DDR2: variants seen among roughly 807,000 people sequenced by gnomAD.
DDR2 encodes the protein discoidin domain-containing receptor 2.
In DDR2, 27 loss-of-function variants were observed where a neutral mutation model predicts 94.9. The ratio of observed to expected loss-of-function variants is 0.28; its 90% CI spans 0.21 to 0.39. The LOEUF is 0.39. DDR2 is among the 10% of genes least tolerant of loss of function. DDR2 has a pLI of 1.00. For synonymous variants in DDR2, 382 were observed against 377.2 expected (o/e 1.01, Z -0.15); for missense variants, 783 against 1,076.0 (o/e 0.73, Z 3.81).
intron 2 of DDR2, among the ~76,000 whole-genome samples, chr1:162,691,103 A>G (rs1659943409): frequency 6.6e-6 from 1 of 152,226 alleles, no homozygotes; most frequent in Non-Finnish European, 1.5e-5. Context: ...AACAAAGGAC[A>G]TGCCTGGTGC....
intron 2 of DDR2, among the ~76,000 whole-genome samples, chr1:162,679,548 A>G (rs1336165116): frequency 1.3e-5 from 2 of 152,162 alleles, no homozygotes; most frequent in African/African-American, 4.8e-5. Context: ...TATTCAGTCT[A>G]CCATTAATGG....
Position 162,755,962 on chromosome 1 carries a change from A to C in DDR2, c.671+193A>C, listed in dbSNP as rs972686144. On this transcript the variant is annotated intron_variant, in intron 7 of 17. Coordinates refer to ENST00000367921, the MANE Select transcript of DDR2 (RefSeq NM_006182.4). ...CAGGGAACTTAAAGCCCGGTTTGGG[A>C]AGACAAGTTAATTACCCAGAAAACA... Among the ~76,000 whole-genome samples, 4 of 152,224 alleles carry C rather than the reference A, an allele frequency of 2.6e-5. No homozygotes were observed. The East Asian group carries it at 7.7e-4, about 29-fold the overall frequency.
At chr1:162,706,708 T>C (rs1660676308) in intron 2 of DDR2, among the ~76,000 whole-genome samples, 1 of 152,086 alleles carries the variant, frequency 6.6e-6, no homozygotes, top group African/African-American at 2.4e-5. Flanking sequence ...CCTGGTAGGA[T>C]AGAGAGGAGG....
At chr1:162,685,103 G>C (rs12119887) in intron 2 of DDR2, among the ~76,000 whole-genome samples, 7,271 of 152,128 alleles carry the variant, frequency 0.048, 216 homozygotes, top group South Asian at 0.084. Flanking sequence ...GTGATTTGGG[G>C]CATGTTTTTT....
chr1:162,636,952 T>G (rs1232244371), intron 1 of DDR2, among the ~76,000 whole-genome samples: 1 of 152,294 alleles, frequency 6.6e-6, no homozygotes, highest in South Asian at 2.1e-4. Flanking sequence ...TAAGATAGTT[T>G]TCCACTGATT....
Position 162,770,497 on chromosome 1 carries a change from G to A in DDR2, c.1489G>A (p.Gly497Arg), listed in dbSNP as rs771800247. 4.3e-6 allele frequency: 7 copies of A among 1,613,994 alleles called. No homozygotes were observed. The highest frequency in any genetic ancestry group is 5.1e-6 in the Non-Finnish European group (6 of 1,180,036). ...ACGAAAACTCCCAGAATTTGCTCCAGGGGAGGAGGAGTCAGGTGAGGATGA... is the reference window on the plus strand; with the variant it reads ...ACGAAAACTCCCAGAATTTGCTCCAAGGGAGGAGGAGTCAGGTGAGGATGA... ...LIRKLPEFAP[G>R]EEESGCSGVV... The change falls in exon 12 of 18, where the codon GGG becomes AGG. Residue 497 changes from glycine to arginine, a missense_variant. This residue lies in a region of DDR2 where 519 missense variants were observed against 647.9 expected (regional missense o/e 0.80). Coordinates refer to ENST00000367921, the MANE Select transcript of DDR2 (RefSeq NM_006182.4).
chr1:162,662,691 A>G lies in DDR2; in HGVS notation c.-28+7317A>G, dbSNP rs564558709. Among the ~76,000 whole-genome samples, 34 of 152,258 alleles carry G rather than the reference A, an allele frequency of 2.2e-4. No homozygotes were observed. The South Asian group carries it at 7.1e-3, about 32-fold the overall frequency. On this transcript the variant is annotated intron_variant, in intron 2 of 17. Coordinates refer to ENST00000367921, the MANE Select transcript of DDR2 (RefSeq NM_006182.4). ...CATCTGTAAAATGAAGGTGATAAAA[A>G]CATGCCTTGTGAGTTTTTTGTGAAG... is the stretch of plus-strand genomic sequence containing the variant.
rs1657900754 is a variant in DDR2, at chr1:162,655,252, C to T, written c.-150C>T. 1 of 152,200 alleles carries T rather than the reference C, an allele frequency of 6.6e-6. No individual in the cohort carries two copies. Among genetic ancestry groups the T allele is most frequent in the South Asian group, 2.1e-4 (1 of 4,822 alleles). The allele number at this position is 152,200 out of a possible 1,614,324, so 9.4% of individuals were successfully genotyped here. Reference sequence around the variant, plus strand: ...CCTGCAAGTTGCCTGGGGTTCAGTGCTCTAGAAAGTTCCAAGGTTTGTGGC... The same window carrying T: ...CCTGCAAGTTGCCTGGGGTTCAGTGTTCTAGAAAGTTCCAAGGTTTGTGGC... On this transcript the variant is annotated 5_prime_UTR_variant, in exon 2 of 18. Coordinates refer to ENST00000367921, the MANE Select transcript of DDR2 (RefSeq NM_006182.4).
At chr1:162,640,184 G>T (rs1172934381) in intron 1 of DDR2, among the ~76,000 whole-genome samples, 1 of 152,018 alleles carries the variant, frequency 6.6e-6, no homozygotes, top group Non-Finnish European at 1.5e-5. Context: ...TGGGATTACA[G>T]GCGTGTGCTA....
chr1:162,724,438 G>A (rs994562598), intron 3 of DDR2, among the ~76,000 whole-genome samples: 36 of 152,220 alleles, frequency 2.4e-4, no homozygotes, highest in African/African-American at 8.4e-4. Context: ...TGCTAAATGA[G>A]GAAGGCTGGA....
intron 3 of DDR2, among the ~76,000 whole-genome samples, chr1:162,728,406 T>G (rs1293631356): frequency 6.6e-6 from 1 of 151,808 alleles, no homozygotes; most frequent in Non-Finnish European, 1.5e-5. Context: ...GCTTTTGAGC[T>G]GAAGAAAAGG....
chr1:162,710,764 GCACACA>G (rs113812328), intron 2 of DDR2, among the ~76,000 whole-genome samples: 5 of 148,144 alleles, frequency 3.4e-5, no homozygotes, highest in South Asian at 2.1e-4. Context: ...ACACAGTCAT[GCACACA>G]CACACACACA....
chr1:162,709,447 G>A (rs1051651354), intron 2 of DDR2, among the ~76,000 whole-genome samples: 2 of 152,210 alleles, frequency 1.3e-5, no homozygotes, highest in African/African-American at 4.8e-5. Flanking sequence ...CTGCCCCTGG[G>A]GAGGTCACTT....
intron 2 of DDR2, among the ~76,000 whole-genome samples, chr1:162,674,125 A>G (rs1004507858): frequency 1.3e-5 from 2 of 152,116 alleles, no homozygotes; most frequent in African/African-American, 4.8e-5. Flanking sequence ...AGCTGGGTTT[A>G]CTTTCCTCCA....
At chr1:162,699,364 G>A (rs1423757037) in intron 2 of DDR2, among the ~76,000 whole-genome samples, 1 of 152,082 alleles carries the variant, frequency 6.6e-6, no homozygotes, top group Non-Finnish European at 1.5e-5. Context: ...TTCCAATTCT[G>A]CGTAGTCTCT....
intron 1 of DDR2, among the ~76,000 whole-genome samples, chr1:162,647,768 T>C (rs774190954): frequency 6.6e-6 from 1 of 152,230 alleles, no homozygotes; most frequent in African/African-American, 2.4e-5. Context: ...ATAATTAGCG[T>C]CTAATGAGCA....
At chr1:162,769,332 A>G (rs547658728) in intron 11 of DDR2, among the ~76,000 whole-genome samples, 80 of 152,374 alleles carry the variant, frequency 5.3e-4, no homozygotes, top group South Asian at 1.2e-3. Context: ...GTGGAAAATC[A>G]TTAAGTACAC....
intron 3 of DDR2, among the ~76,000 whole-genome samples, chr1:162,747,083 A>G (rs560979003): frequency 9.2e-5 from 14 of 152,354 alleles, no homozygotes. Flanking sequence ...AAAAGCTGAA[A>G]ATTCTAAAAA....
intron 2 of DDR2, among the ~76,000 whole-genome samples, chr1:162,658,818 C>A (rs962494599): frequency 1.4e-4 from 2 of 14,542 alleles, no homozygotes; most frequent in Admixed American, 2.0e-3. Flanking sequence ...CAGAATGAGA[C>A]CCTGTCTCAA....
Sources: gnomAD v4.1 joint callset for allele counts (sites outside exome capture counted in the v4.1 genomes callset) on GRCh38, gnomAD v4.1.1 for gene constraint, gnomAD v4.1.1 regional missense constraint, MANE v1.5 for transcripts, NCBI Gene and HGNC (gene_info 2026-07-23, HGNC 2026-07-21) for gene names.